The following CALU variants were observed in gnomAD, a reference collection of about 807,000 sequenced individuals.
The protein encoded by CALU is calumenin, also known as IEF SSP 9302.
A neutral mutation model predicts 37.5 loss-of-function variants in CALU; 13 were observed. The observed-to-expected ratio is 0.35, with a 90% CI of 0.23 to 0.55. The LOEUF (loss-of-function observed/expected upper bound fraction) is 0.55. CALU is among the 20% of genes least tolerant of loss of function. The pLI, the probability that CALU is intolerant of heterozygous loss-of-function variation, is 0.89. For synonymous variants in CALU, 114 were observed against 133.8 expected (o/e 0.85, Z 1.02); for missense variants, 282 against 391.7 (o/e 0.72, Z 2.36).
At chr7:128,755,309 C>CAAAAA (rs59208090) in intron 3 of CALU, among the ~76,000 whole-genome samples, 31 of 51,474 alleles carry the variant, frequency 6.0e-4, no homozygotes, top group South Asian at 2.6e-3. Context: ...GAGCTCTGTC[C>CAAAAA]AAAAAAAAAA....
intron 3 of CALU, 104 bp from the exon 4 acceptor site, chr7:128,758,766 CT>C: frequency 1.2e-6 from 1 of 801,082 alleles, no homozygotes. Flanking sequence ...TCAATTATTT[CT>C]TCCTTGCATG....
At chr7:128,755,991 T>C (rs1800869078) in intron 3 of CALU, among the ~76,000 whole-genome samples, 1 of 152,226 alleles carries the variant, frequency 6.6e-6, no homozygotes, top group South Asian at 2.1e-4. Context: ...CTTTTATTTC[T>C]GTGTCAGGCT....
At chr7:128,746,218 T>C (rs12539363) in intron 1 of CALU, among the ~76,000 whole-genome samples, 42,298 of 151,674 alleles carry the variant, frequency 0.28, 6,873 homozygotes, top group Non-Finnish European at 0.38. Flanking sequence ...AGTGCAGTGG[T>C]GAGATCTCAG....
chr7:128,767,741 A>G (rs1801392201), intron 6 of CALU, 86 bp downstream of exon 6: 3 of 1,107,264 alleles, frequency 2.7e-6, no homozygotes, highest in East Asian at 5.0e-5. Flanking sequence ...TAAGGTGCAT[A>G]GAGCATTTAA....
intron 1 of CALU, among the ~76,000 whole-genome samples, chr7:128,746,985 A>T (rs1157029762): frequency 6.6e-6 from 1 of 151,206 alleles, no homozygotes; most frequent in African/African-American, 2.4e-5. Context: ...AGCCAGGATG[A>T]TCTCGATCTC....
At chr7:128,759,896 C>A in intron 5 of CALU, 44 bp downstream of exon 5, 2 of 1,009,844 alleles carry the variant, frequency 2.0e-6, no homozygotes, top group Non-Finnish European at 3.2e-6. Flanking sequence ...AGCTGAGAAG[C>A]TTTGAAAGGT....
chr7:128,746,371 T>C (rs1171457943), intron 1 of CALU, among the ~76,000 whole-genome samples: 2 of 151,944 alleles, frequency 1.3e-5, no homozygotes, highest in Non-Finnish European at 2.9e-5. Context: ...TTTCCCAGGG[T>C]GGTCTCGAAC....
At chr7:128,741,823 G>A (rs1350225481) in intron 1 of CALU, among the ~76,000 whole-genome samples, 1 of 152,162 alleles carries the variant, frequency 6.6e-6, no homozygotes, top group East Asian at 1.9e-4. Context: ...CAACGAAAAG[G>A]AAACTTTTTT....
At position 128,770,877 on chromosome 7, in the gene CALU, T is replaced by C. The variant is rs149959220; in HGVS notation, c.*1710T>C. On this transcript the variant is annotated 3_prime_UTR_variant, in exon 7 of 7. Transcript: ENST00000249364. ...TCAGGTGGTGCTGGGTGATTTATTA[T>C]AATCTGAACCTAGGTATATCCTTTG... 3 of 152,788 alleles carry C rather than the reference T, an allele frequency of 2.0e-5. No homozygotes were observed. Among genetic ancestry groups the C allele is most frequent in the South Asian group, 2.1e-4 (1 of 4,830 alleles). The allele number at this position is 152,788 out of a possible 1,614,324, so 9.5% of individuals were successfully genotyped here.
Position 128,770,156 on chromosome 7 carries a change from A to C in CALU, c.*989A>C. Reference sequence around the variant, plus strand: ...CATGTCATTGAAAGTGCCTTTAACGAAAGAAATGGTCACTGAATGGGAATT... The same window carrying C: ...CATGTCATTGAAAGTGCCTTTAACGCAAGAAATGGTCACTGAATGGGAATT... On this transcript the variant is annotated 3_prime_UTR_variant, in exon 7 of 7. Transcript: ENST00000249364. The C allele has an allele frequency of 6.6e-6, 1 of 152,632 alleles. No homozygotes were observed. Among genetic ancestry groups the C allele is most frequent in the East Asian group, 1.9e-4 (1 of 5,202 alleles). 9.5% of individuals were successfully genotyped at this position (152,632 alleles called of 1,614,324 possible).
At chr7:128,750,232 A>G in intron 2 of CALU, among the ~76,000 whole-genome samples, 1 of 149,374 alleles carries the variant, frequency 6.7e-6, no homozygotes, top group East Asian at 1.9e-4. Flanking sequence ...AAAAAAAAAA[A>G]AAAAAAAAGA....
chr7:128,766,617 T>C (rs561291114), intron 5 of CALU, among the ~76,000 whole-genome samples: 5 of 151,814 alleles, frequency 3.3e-5, no homozygotes, highest in Non-Finnish European at 7.4e-5. Context: ...TTAGTAGAGA[T>C]GGGGTTTTGC....
In CALU at chr7:128,771,553, TG is replaced by T. The variant is rs1041232967; in HGVS notation, c.*2389del. On this transcript the variant is annotated 3_prime_UTR_variant, in exon 7 of 7. Coordinates refer to ENST00000249364, the MANE Select transcript of CALU (RefSeq NM_001219.5). ...TTATGGATGCTCTAAAATGTCAGAA[TG>T]GGAACTCTCCTCGAAGTTCTCCCAA... 2.0e-5 allele frequency: 3 copies of T among 152,650 alleles called. No individual in the cohort carries two copies. The highest frequency in any genetic ancestry group is 2.9e-5 in the Non-Finnish European group (2 of 68,042). 9.5% of individuals were successfully genotyped at this position (152,650 alleles called of 1,614,324 possible).
intron 3 of CALU, among the ~76,000 whole-genome samples, chr7:128,757,911 G>T (rs372530988): frequency 3.4e-5 from 5 of 147,524 alleles, no homozygotes; most frequent in Non-Finnish European, 6.0e-5. Context: ...TAATCTAAGG[G>T]TTTTTTTTTT....
At chr7:128,753,166 A>C (rs1175235918) in intron 2 of CALU, among the ~76,000 whole-genome samples, 2 of 152,242 alleles carry the variant, frequency 1.3e-5, no homozygotes, top group Non-Finnish European at 2.9e-5. Context: ...AATTCTGATC[A>C]CTTTCCTATG....
chr7:128,758,097 T>C (rs374613641), intron 3 of CALU, among the ~76,000 whole-genome samples: 2 of 152,160 alleles, frequency 1.3e-5, no homozygotes, highest in South Asian at 4.1e-4. Flanking sequence ...CTTCTCATTC[T>C]CGCCATTCCC....
chr7:128,739,395 G>A lies in CALU; in HGVS notation c.-49G>A, dbSNP rs1051542263. 4.6e-5 allele frequency: 7 copies of A among 152,592 alleles called. No homozygotes were observed. The highest frequency in any genetic ancestry group is 1.4e-4 in the African/African-American group (6 of 41,574). 9.5% of individuals were successfully genotyped at this position (152,592 alleles called of 1,614,324 possible). A position where few individuals can be genotyped will look rare whatever the true frequency, so the allele number is the denominator to read the frequency against. ...TGAGCTGAGCCGGTGGGTGAGCGGC[G>A]GCCACGGCATCCTGTGCTGTGGGGG... On this transcript the variant is annotated 5_prime_UTR_variant, in exon 1 of 7. Coordinates refer to ENST00000249364, the MANE Select transcript of CALU (RefSeq NM_001219.5).
chr7:128,751,229 A>G (rs1437768572), intron 2 of CALU, among the ~76,000 whole-genome samples: 1 of 150,932 alleles, frequency 6.6e-6, no homozygotes, highest in African/African-American at 2.5e-5. Flanking sequence ...CAGAGGTTGC[A>G]GTGAGCCAAG....
chr7:128,759,694 T>C (rs1801026084), intron 4 of CALU, 98 bp from the exon 5 acceptor site: 3 of 714,990 alleles, frequency 4.2e-6, no homozygotes, highest in Non-Finnish European at 7.6e-6. Flanking sequence ...CAAGTGTGTT[T>C]AATGAATAAT....
Sources: gnomAD v4.1 joint callset for allele counts (sites outside exome capture counted in the v4.1 genomes callset) on GRCh38, gnomAD v4.1.1 for gene constraint, MANE v1.5 for transcripts, NCBI Gene and HGNC (gene_info 2026-07-23, HGNC 2026-07-21) for gene names.